The following TBC1D12 variants were observed in gnomAD, a reference collection of about 807,000 sequenced individuals.
TBC1D12 encodes the protein TBC1 domain family, member 12.
Under a neutral mutation model 86.7 loss-of-function variants are expected in TBC1D12, and 56 were observed. The observed-to-expected ratio is 0.65, with a 90% confidence interval of 0.52 to 0.81. The LOEUF is 0.81. TBC1D12 is among the 30% of genes least tolerant of loss of function. The probability of loss-of-function intolerance (pLI) is 0.00; values close to 1 mark genes in which losing one functional copy is unlikely to be tolerated. For synonymous variants in TBC1D12, 421 were observed against 411.7 expected (o/e 1.02, Z -0.27); for missense variants, 1,023 against 1,038.8 (o/e 0.98, Z 0.21).
At chr10:94,479,791 A>G (rs2056048961) in intron 3 of TBC1D12, among the ~76,000 whole-genome samples, 1 of 152,220 alleles carries the variant, frequency 6.6e-6, no homozygotes, top group Non-Finnish European at 1.5e-5. Context: ...ATGATTAAGC[A>G]ATTACATTCA....
At position 94,474,703 on chromosome 10, in the gene TBC1D12, A is replaced by T. The variant is rs759599550; in HGVS notation, c.1131A>T (p.Pro377=). The T allele has an allele frequency of 5.6e-6, 9 of 1,614,054 alleles. No individual in the cohort carries two copies. The East Asian group carries it at 2.0e-4, about 36-fold the overall frequency. The part of the protein sequence containing the change: ...YEARTGRTCK[P]PPQSSRRKNF... ...CACGAACGGGGAGGACCTGTAAACC[A>T]CCACCTCAGTCTTCAAGACGCAAGA... The change falls in exon 3 of 13, where the codon CCA becomes CCT. Residue 377 remains proline (P), a synonymous_variant. Transcript: ENST00000225235.
intron 1 of TBC1D12, among the ~76,000 whole-genome samples, chr10:94,408,309 A>G (rs942231097): frequency 8.5e-5 from 13 of 152,182 alleles, no homozygotes; most frequent in Non-Finnish European, 1.9e-4. Flanking sequence ...ATTTTGAAAC[A>G]TACAGATCCA....
At chr10:94,484,355 C>T (rs1371510855) in intron 3 of TBC1D12, among the ~76,000 whole-genome samples, 1 of 151,232 alleles carries the variant, frequency 6.6e-6, no homozygotes, top group Non-Finnish European at 1.5e-5. Flanking sequence ...TCAAGCGATT[C>T]TCCTGCCTCA....
chr10:94,458,292 C>G (rs1477806763), intron 2 of TBC1D12, among the ~76,000 whole-genome samples: 1 of 152,104 alleles, frequency 6.6e-6, no homozygotes, highest in African/African-American at 2.4e-5. Flanking sequence ...AGCCCCTCAC[C>G]GCATGATGCT....
At chr10:94,502,364 T>A (rs1221930015) in intron 6 of TBC1D12, among the ~76,000 whole-genome samples, 1 of 150,292 alleles carries the variant, frequency 6.7e-6, no homozygotes, top group Non-Finnish European at 1.5e-5. Flanking sequence ...AATAAATAAA[T>A]TTTTAAAATT....
chr10:94,480,058 A>G (rs1176625819), intron 3 of TBC1D12, among the ~76,000 whole-genome samples: 1 of 152,190 alleles, frequency 6.6e-6, no homozygotes, highest in Non-Finnish European at 1.5e-5. Flanking sequence ...TGACCTCTAC[A>G]TACCTCTACT....
intron 3 of TBC1D12, among the ~76,000 whole-genome samples, chr10:94,491,283 A>G (rs2056241517): frequency 6.6e-6 from 1 of 152,180 alleles, no homozygotes; most frequent in Admixed American, 6.6e-5. Flanking sequence ...TACCAGATCA[A>G]CTGACTAATT....
intron 1 of TBC1D12, among the ~76,000 whole-genome samples, chr10:94,410,997 A>C (rs1413602423): frequency 1.3e-5 from 2 of 152,192 alleles, no homozygotes; most frequent in Non-Finnish European, 2.9e-5. Context: ...ATGTGAACTG[A>C]GTTAAAGAGA....
intron 3 of TBC1D12, among the ~76,000 whole-genome samples, chr10:94,480,708 G>GTT (rs1163384419): frequency 6.7e-6 from 1 of 149,854 alleles, no homozygotes; most frequent in African/African-American, 2.4e-5. Flanking sequence ...ATATATATAT[G>GTT]TTTATATATA....
chr10:94,411,887 G>A (rs2054933095), intron 1 of TBC1D12, among the ~76,000 whole-genome samples: 1 of 152,216 alleles, frequency 6.6e-6, no homozygotes, highest in Admixed American at 6.5e-5. Context: ...GAGCCAGCGA[G>A]GTCGGGGCTG....
intron 2 of TBC1D12, among the ~76,000 whole-genome samples, chr10:94,466,759 G>T (rs2055830598): frequency 6.6e-6 from 1 of 152,066 alleles, no homozygotes; most frequent in Non-Finnish European, 1.5e-5. Flanking sequence ...TCAGAAAATT[G>T]ACTTTGGTAG....
At chr10:94,513,479 A>C (rs2056550470) in intron 9 of TBC1D12, among the ~76,000 whole-genome samples, 1 of 152,218 alleles carries the variant, frequency 6.6e-6, no homozygotes, top group African/African-American at 2.4e-5. Flanking sequence ...ATCATAGTCC[A>C]TTTAAAGAAA....
At chr10:94,518,479 A>G (rs1330071466) in intron 9 of TBC1D12, among the ~76,000 whole-genome samples, 2 of 152,038 alleles carry the variant, frequency 1.3e-5, no homozygotes, top group African/African-American at 2.4e-5. Context: ...AGCCTTTTGT[A>G]TGTGTCGTAA....
At chr10:94,475,996 G>C (rs2055982247) in intron 3 of TBC1D12, among the ~76,000 whole-genome samples, 1 of 151,998 alleles carries the variant, frequency 6.6e-6, no homozygotes, top group South Asian at 2.1e-4. Flanking sequence ...CTGGAGTGCA[G>C]TGGCACAATC....
chr10:94,411,477 C>A (rs898177338), intron 1 of TBC1D12, among the ~76,000 whole-genome samples: 1 of 152,120 alleles, frequency 6.6e-6, no homozygotes, highest in African/African-American at 2.4e-5. Context: ...AATCCCAGCA[C>A]GTTGGGAAGC....
intron 1 of TBC1D12, among the ~76,000 whole-genome samples, chr10:94,423,100 G>A (rs763451180): frequency 9.2e-5 from 14 of 151,360 alleles, no homozygotes; most frequent in Non-Finnish European, 1.9e-4. Flanking sequence ...GCCCTGTCTT[G>A]AAAGAAAGAA....
chr10:94,403,261 C>T lies in TBC1D12; in HGVS notation c.648C>T (p.Gly216=). 6.6e-7 allele frequency: 1 copy of T among 1,503,824 alleles called. No homozygotes were observed. The allele number at this position is 1,503,824 out of a possible 1,614,324, so 93.2% of individuals were successfully genotyped here. A position where few individuals can be genotyped will look rare whatever the true frequency, so the allele number is the denominator to read the frequency against. ...ACGCCCAGGAGCCCGAGGGCGCGGG[C>T]AGCGACTCGGGGGACAGCCCCGCCA... ...AADAQEPEGA[G]SDSGDSPASS... The change falls in exon 1 of 13, where the codon GGC becomes GGT. Residue 216 remains glycine (G), a synonymous_variant. Transcript: ENST00000225235.
intron 6 of TBC1D12, among the ~76,000 whole-genome samples, chr10:94,504,899 C>G (rs974945471): frequency 6.6e-6 from 1 of 152,116 alleles, no homozygotes; most frequent in African/African-American, 2.4e-5. Context: ...CATCTTTAAG[C>G]CTGCTTCAAA....
chr10:94,452,422 A>G (rs931454263), intron 2 of TBC1D12, among the ~76,000 whole-genome samples: 2 of 152,130 alleles, frequency 1.3e-5, no homozygotes, highest in African/African-American at 4.8e-5. Flanking sequence ...TACACTAAAA[A>G]TTGTGCTGTG....
Sources: gnomAD v4.1 joint callset for allele counts (sites outside exome capture counted in the v4.1 genomes callset) on GRCh38, gnomAD v4.1.1 for gene constraint, MANE v1.5 for transcripts, NCBI Gene and HGNC (gene_info 2026-07-23, HGNC 2026-07-21) for gene names.